Variants in FCN2 observed in about 807,000 individuals in gnomAD.
FCN2 encodes the protein ficolin-2.
Under a neutral mutation model 32.5 loss-of-function variants are expected in FCN2, and 31 were observed. The observed-to-expected ratio is 0.96, with a 90% CI of 0.72 to 1.29. The LOEUF (loss-of-function observed/expected upper bound fraction) is 1.29. FCN2 is among the 50% of genes most tolerant of loss of function. FCN2 has a pLI of 0.00. For missense variants in FCN2, 412 were observed against 406.5 expected (o/e 1.01, Z -0.12); for synonymous variants, 181 against 164.5 (o/e 1.10, Z -0.77).
In FCN2 at chr9:134,885,259, C is replaced by T. The variant is rs1394987431; in HGVS notation, c.322C>T (p.Leu108=). The T allele has an allele frequency of 9.3e-6, 15 of 1,614,048 alleles. No individual in the cohort carries two copies. The highest frequency in any genetic ancestry group is 1.3e-5 in the Non-Finnish European group (15 of 1,180,034). The part of the protein sequence containing the change: ...CLTGPRTCKD[L]LDRGHFLSGW... ...CCCAGGCCCGCGTACCTGCAAGGAC[C>T]TGCTAGACCGAGGGCACTTCCTGAG... The change falls in exon 5 of 8, where the codon CTG becomes TTG. Residue 108 remains leucine, a synonymous_variant. Transcript: ENST00000291744.
chr9:134,886,852 A>G (rs11103563), intron 7 of FCN2, among the ~76,000 whole-genome samples: 20,592 of 152,142 alleles, frequency 0.14, 1,465 homozygotes, highest in African/African-American at 0.2. Flanking sequence ...TCTGCGGGGC[A>G]TGGCTGGAAG....
Position 134,885,317 on chromosome 9 carries a change from G to T in FCN2, c.380G>T (p.Arg127Leu), listed in dbSNP as rs575801515. Reference sequence around the variant, plus strand: ...CACACCATCTACCTGCCCGACTGCCGGCCCCTGACTGTGCTCTGTGACATG... The same window carrying T: ...CACACCATCTACCTGCCCGACTGCCTGCCCCTGACTGTGCTCTGTGACATG... The part of the protein sequence containing the change: ...GWHTIYLPDC[R>L]PLTVLCDMDT... The change falls in exon 5 of 8, where the codon CGG becomes CTG. Residue 127 changes from arginine (R) to leucine (L), a missense_variant. Coordinates refer to ENST00000291744, the MANE Select transcript of FCN2 (RefSeq NM_004108.3). 23 of 1,613,952 alleles carry T rather than the reference G, an allele frequency of 1.4e-5. No homozygotes were observed. The South Asian group carries it at 2.4e-4, about 17-fold the overall frequency.
At chr9:134,868,651 A>G in the FCN2 span, among the ~76,000 whole-genome samples, 1 of 152,156 alleles carries the variant, frequency 6.6e-6, no homozygotes, top group Non-Finnish European at 1.5e-5. The surrounding 1 kb of genome is among the most constrained non-coding windows in gnomAD (Gnocchi z 4.3). Flanking sequence ...GCCAGCATCC[A>G]GCCCCCTGCC....
chr9:134,879,822 G>A (rs548959374), upstream of FCN2, among the ~76,000 whole-genome samples: 1 of 152,230 alleles, frequency 6.6e-6, no homozygotes, highest in East Asian at 1.9e-4. Context: ...AAGGCACCTC[G>A]GCATCCCGAT....
the FCN2 span, among the ~76,000 whole-genome samples, chr9:134,869,157 T>C: frequency 6.6e-6 from 1 of 152,212 alleles, no homozygotes; most frequent in African/African-American, 2.4e-5. Context: ...GTGCCGGGGC[T>C]TCCTGCCACC....
chr9:134,881,485 G>C (rs1830663096), intron 1 of FCN2, among the ~76,000 whole-genome samples: 1 of 152,164 alleles, frequency 6.6e-6, no homozygotes, highest in Admixed American at 6.5e-5. Context: ...CTCCCGAGGG[G>C]ACACTCGGGT....
upstream of FCN2, among the ~76,000 whole-genome samples, chr9:134,877,155 TA>T (rs775933518): frequency 5.3e-5 from 8 of 152,218 alleles, no homozygotes; most frequent in Non-Finnish European, 1.0e-4. Flanking sequence ...ACTTGTTCAT[TA>T]TTATTCATTC....
the FCN2 span, among the ~76,000 whole-genome samples, chr9:134,864,807 G>A: frequency 6.6e-6 from 1 of 152,202 alleles, no homozygotes; most frequent in South Asian, 2.1e-4. Context: ...TCAACAGATT[G>A]TTTTAAGCCT....
intron 7 of FCN2, 146 bp downstream of exon 7, chr9:134,886,710 A>G (rs1830763858): frequency 1.1e-6 from 1 of 907,556 alleles, no homozygotes; most frequent in Non-Finnish European, 1.7e-6. Context: ...AGACACTAAC[A>G]TCTGTGCTCT....
chr9:134,874,115 C>T, the FCN2 span, among the ~76,000 whole-genome samples: 2 of 152,030 alleles, frequency 1.3e-5, no homozygotes, highest in African/African-American at 4.8e-5. Context: ...AGGGTTTCAC[C>T]GTGTTGGCCA....
chr9:134,883,602 A>AG (rs67911189), intron 3 of FCN2, among the ~76,000 whole-genome samples: 23,797 of 58,416 alleles, frequency 0.41, 3,935 homozygotes, highest in East Asian at 0.53. Context: ...CAATGTGTGT[A>AG]GGGGGTCTCA....
upstream of FCN2, among the ~76,000 whole-genome samples, chr9:134,879,493 C>T (rs1194370065): frequency 1.3e-5 from 2 of 152,126 alleles, no homozygotes; most frequent in Admixed American, 1.3e-4. Context: ...GGACCTGGCT[C>T]CTCTGCAGGT....
chr9:134,872,751 G>A, the FCN2 span, among the ~76,000 whole-genome samples: 5 of 152,134 alleles, frequency 3.3e-5, no homozygotes, highest in Non-Finnish European at 2.9e-5. Context: ...CCTCCTACCG[G>A]GTCCCTCCCA....
At chr9:134,875,774 T>C in the FCN2 span, among the ~76,000 whole-genome samples, 1 of 152,338 alleles carries the variant, frequency 6.6e-6, no homozygotes, top group Middle Eastern at 3.4e-3. Flanking sequence ...CACTCCCCAG[T>C]TGAACCACGG....
chr9:134,865,173 T>G, the FCN2 span, among the ~76,000 whole-genome samples: 1 of 152,232 alleles, frequency 6.6e-6, no homozygotes, highest in Admixed American at 6.5e-5. Flanking sequence ...GTCCCCACTG[T>G]GTCCCTGATG....
At chr9:134,884,896 C>A in intron 4 of FCN2, 124 bp downstream of exon 4, 1 of 920,308 alleles carries the variant, frequency 1.1e-6, no homozygotes, top group Non-Finnish European at 1.7e-6. Flanking sequence ...GGTTGCTTGC[C>A]CGTTTCCTTG....
chr9:134,876,855 G>A (rs773526542), upstream of FCN2, among the ~76,000 whole-genome samples: 2 of 151,778 alleles, frequency 1.3e-5, no homozygotes, highest in Non-Finnish European at 2.9e-5. Context: ...GATTACAGGC[G>A]TAAGCCACCA....
At chr9:134,876,399 C>T (rs1830603934), upstream of FCN2, among the ~76,000 whole-genome samples, 1 of 152,122 alleles carries the variant, frequency 6.6e-6, no homozygotes, top group South Asian at 2.1e-4. Flanking sequence ...CTGTCTGGGC[C>T]TGGAGATTTT....
At chr9:134,882,821 G>A (rs1052658353) in intron 2 of FCN2, among the ~76,000 whole-genome samples, 182 bp downstream of exon 2, 1 of 152,196 alleles carries the variant, frequency 6.6e-6, no homozygotes, top group African/African-American at 2.4e-5. Flanking sequence ...GTCTTTCTTA[G>A]CTATTTCATG....
Sources: allele counts gnomAD v4.1 joint callset (sites outside exome capture counted in the v4.1 genomes callset), GRCh38; gene constraint gnomAD v4.1.1; non-coding constraint Gnocchi (gnomAD v3.1); transcripts MANE v1.5; gene names NCBI Gene and HGNC (gene_info 2026-07-23, HGNC 2026-07-21).